Variants in PCMTD1 observed in about 807,000 individuals in gnomAD.
The protein encoded by PCMTD1 is protein-L-isoaspartate (D-aspartate) O-methyltransferase domain containing 1.
A neutral mutation model predicts 37.6 loss-of-function variants in PCMTD1; 12 were observed. The observed-to-expected ratio is 0.32, with a 90% confidence interval of 0.20 to 0.52. PCMTD1 has a LOEUF of 0.52. Among genes scored for constraint, PCMTD1 ranks in the 20% least tolerant of loss-of-function variants. PCMTD1 has a pLI of 0.97. For missense variants in PCMTD1, 235 were observed against 421.3 expected (o/e 0.56, Z 3.87); for synonymous variants, 117 against 135.8 (o/e 0.86, Z 0.96).
intron 1 of PCMTD1, among the ~76,000 whole-genome samples, chr8:51,871,822 T>C (rs2038643596): frequency 6.6e-6 from 1 of 152,202 alleles, no homozygotes; most frequent in South Asian, 2.1e-4. Flanking sequence ...ATGAAGTATA[T>C]GTTTTCTTCT....
intron 1 of PCMTD1, among the ~76,000 whole-genome samples, chr8:51,887,538 A>G (rs937849527): frequency 3.3e-5 from 5 of 152,162 alleles, no homozygotes; most frequent in South Asian, 2.1e-4. Flanking sequence ...AACTAAAGCA[A>G]TAACTATGTA....
At chr8:51,845,590 G>T in intron 3 of PCMTD1, 71 bp downstream of exon 3, 1 of 1,075,920 alleles carries the variant, frequency 9.3e-7, no homozygotes, top group Non-Finnish European at 1.4e-6. Context: ...CAATAATAGT[G>T]TTCAAGAATA....
intron 1 of PCMTD1, among the ~76,000 whole-genome samples, chr8:51,862,604 G>C (rs1051662231): frequency 6.6e-6 from 1 of 152,192 alleles, no homozygotes; most frequent in African/African-American, 2.4e-5. Context: ...AGTTATGACA[G>C]TTAACTCTGG....
chr8:51,871,426 G>A (rs1055657759), intron 1 of PCMTD1, among the ~76,000 whole-genome samples: 2 of 152,220 alleles, frequency 1.3e-5, no homozygotes, highest in African/African-American at 4.8e-5. Context: ...CGTGCTCACA[G>A]GGAGTCTCAG....
At chr8:51,827,318 A>C (rs1277004937) in intron 5 of PCMTD1, 8 of 1,229,518 alleles carry the variant, frequency 6.5e-6, no homozygotes, top group African/African-American at 1.6e-5. Context: ...CTTTATGCAC[A>C]GTTTCACTTT....
At chr8:51,895,384 C>A (rs1267585725) in intron 1 of PCMTD1, among the ~76,000 whole-genome samples, 1 of 152,154 alleles carries the variant, frequency 6.6e-6, no homozygotes, top group Non-Finnish European at 1.5e-5. Context: ...TAAGAGCCTG[C>A]AAGTTACTGA....
intron 1 of PCMTD1, among the ~76,000 whole-genome samples, chr8:51,897,703 G>C (rs1441598527): frequency 6.6e-6 from 1 of 152,098 alleles, no homozygotes; most frequent in African/African-American, 2.4e-5. Context: ...TTGGCTTGTA[G>C]CCCTTTTCAA....
At chr8:51,831,669 G>A (rs2038000556) in intron 4 of PCMTD1, 102 bp from the exon 5 acceptor site, 8 of 1,153,450 alleles carry the variant, frequency 6.9e-6, no homozygotes, top group Non-Finnish European at 9.5e-6. Flanking sequence ...GCCAGTTAGA[G>A]CTACACAATC....
At chr8:51,896,778 GA>G (rs1397358409) in intron 1 of PCMTD1, among the ~76,000 whole-genome samples, 2 of 148,820 alleles carry the variant, frequency 1.3e-5, no homozygotes, top group Non-Finnish European at 3.0e-5. Flanking sequence ...AAAGAAAGCA[GA>G]AAAAACCGTA....
intron 1 of PCMTD1, among the ~76,000 whole-genome samples, chr8:51,894,105 T>C (rs994665605): frequency 6.6e-6 from 1 of 152,134 alleles, no homozygotes; most frequent in African/African-American, 2.4e-5. Flanking sequence ...GTGGGGGCTC[T>C]AGGGAAATAC....
In PCMTD1 at chr8:51,817,591, A is replaced by T; in HGVS notation, c.*2760T>A. On this transcript the variant is annotated 3_prime_UTR_variant, in exon 6 of 6. Coordinates refer to ENST00000522514, the MANE Select transcript of PCMTD1 (RefSeq NM_052937.4). ...CCATGGGAGAAAAATGCTTAATTACATGTAATTGTTTATTTAAAATAATTT... is the reference window on the plus strand; with the variant it reads ...CCATGGGAGAAAAATGCTTAATTACTTGTAATTGTTTATTTAAAATAATTT... The T allele has an allele frequency of 4.9e-6, 1 of 202,290 alleles. No homozygotes were observed. Among genetic ancestry groups the T allele is most frequent in the Non-Finnish European group, 1.0e-5 (1 of 98,460 alleles). The allele number at this position is 202,290 out of a possible 1,614,324, so 12.5% of individuals were successfully genotyped here. A position where few individuals can be genotyped will look rare whatever the true frequency, so the allele number is the denominator to read the frequency against.
At chr8:51,841,359 G>GC (rs2129279217) in intron 3 of PCMTD1, among the ~76,000 whole-genome samples, 1 of 152,184 alleles carries the variant, frequency 6.6e-6, no homozygotes, top group Non-Finnish European at 1.5e-5. Context: ...CATTCATATG[G>GC]AATGAAAATC....
rs1363113843 is a variant in PCMTD1, at chr8:51,819,714, G to A, written c.*637C>T. ...TGCTCTTAAAATCTCTATGAGAGAG[G>A]CAGATATTTTACCCATGTCTTTTGG... On this transcript the variant is annotated 3_prime_UTR_variant, in exon 6 of 6. Transcript: ENST00000522514. 1 of 152,550 alleles carries A rather than the reference G, an allele frequency of 6.6e-6. No individual in the cohort carries two copies. Among genetic ancestry groups the A allele is most frequent in the Non-Finnish European group, 1.5e-5 (1 of 68,022 alleles). 9.4% of individuals were successfully genotyped at this position (152,550 alleles called of 1,614,324 possible). A position where few individuals can be genotyped will look rare whatever the true frequency, so the allele number is the denominator to read the frequency against.
intron 1 of PCMTD1, among the ~76,000 whole-genome samples, chr8:51,874,179 T>C (rs1314372542): frequency 2.0e-5 from 3 of 152,200 alleles, no homozygotes; most frequent in Admixed American, 2.0e-4. Context: ...TATTTCTCTA[T>C]AGCAATGCCA....
intron 3 of PCMTD1, 118 bp downstream of exon 3, chr8:51,845,543 A>C: frequency 1.6e-6 from 1 of 612,628 alleles, no homozygotes; most frequent in Non-Finnish European, 2.8e-6. Flanking sequence ...TTTATGGTGC[A>C]CTGATTTTTG....
intron 1 of PCMTD1, among the ~76,000 whole-genome samples, chr8:51,881,478 T>G (rs1240164297): frequency 6.6e-6 from 1 of 152,150 alleles, no homozygotes; most frequent in African/African-American, 2.4e-5. Flanking sequence ...CAGACTGTCA[T>G]CCTAATCCCA....
chr8:51,843,821 GTC>G (rs2038181006), intron 3 of PCMTD1, among the ~76,000 whole-genome samples: 1 of 152,224 alleles, frequency 6.6e-6, no homozygotes, highest in Non-Finnish European at 1.5e-5. Flanking sequence ...TCTTCCTTGA[GTC>G]TGTTCTGCTC....
intron 2 of PCMTD1, among the ~76,000 whole-genome samples, chr8:51,856,015 G>A (rs2038383369): frequency 6.6e-6 from 1 of 152,072 alleles, no homozygotes; most frequent in Admixed American, 6.5e-5. Flanking sequence ...AGGGACGGGG[G>A]AACTGACCAC....
intron 5 of PCMTD1, among the ~76,000 whole-genome samples, chr8:51,825,948 CA>C (rs1274294017): frequency 6.6e-6 from 1 of 152,116 alleles, no homozygotes; most frequent in African/African-American, 2.4e-5. Context: ...TTGTGGAGGA[CA>C]GTGTGGCGAT....
Sources: allele counts gnomAD v4.1 joint callset (sites outside exome capture counted in the v4.1 genomes callset), GRCh38; gene constraint gnomAD v4.1.1; transcripts MANE v1.5; gene names NCBI Gene and HGNC (gene_info 2026-07-23, HGNC 2026-07-21).